The following GPHN variants were observed in gnomAD, a reference collection of about 807,000 sequenced individuals.
GPHN encodes the protein gephyrin.
In GPHN, 17 loss-of-function variants were observed where a neutral mutation model predicts 95.5. The observed-to-expected ratio is 0.18, with a 90% confidence interval of 0.12 to 0.27. The LOEUF is 0.27. Among genes scored for constraint, GPHN ranks in the 10% least tolerant of loss-of-function variants. The pLI, the probability that GPHN is intolerant of heterozygous loss-of-function variation, is 1.00. For missense variants in GPHN, 660 were observed against 978.1 expected, an observed-to-expected ratio of 0.67 and a Z score of 4.34; for synonymous variants, 320 against 322.5, an observed-to-expected ratio of 0.99 and a Z score of 0.08.
intron 2 of GPHN, among the ~76,000 whole-genome samples, chr14:66,724,183 G>GT: frequency 6.6e-6 from 1 of 152,160 alleles, no homozygotes; most frequent in East Asian, 1.9e-4. Flanking sequence ...ACAAATCGAG[G>GT]TTAGCTACTC....
At chr14:66,893,308 C>T (rs941297324) in intron 5 of GPHN, among the ~76,000 whole-genome samples, 1 of 152,126 alleles carries the variant, frequency 6.6e-6, no homozygotes, top group Admixed American at 6.5e-5. Flanking sequence ...CACTGGGGCT[C>T]ATCGGACAGT....
At chr14:67,131,805 T>A (rs988539999) in intron 17 of GPHN, among the ~76,000 whole-genome samples, 2 of 152,186 alleles carry the variant, frequency 1.3e-5, no homozygotes, top group African/African-American at 4.8e-5. Flanking sequence ...GAAATTTTTT[T>A]AAATAAATTT....
At chr14:66,732,461 A>G (rs753270084) in intron 2 of GPHN, among the ~76,000 whole-genome samples, 2 of 152,224 alleles carry the variant, frequency 1.3e-5, no homozygotes, top group Non-Finnish European at 2.9e-5. Context: ...AGTTTCTCCC[A>G]TTTAGAATCG....
At chr14:66,808,097 CA>C (rs2153480627) in intron 3 of GPHN, among the ~76,000 whole-genome samples, 1 of 152,248 alleles carries the variant, frequency 6.6e-6, no homozygotes, top group East Asian at 1.9e-4. Flanking sequence ...ATAGTGACAG[CA>C]AAATATGTTT....
the GPHN span, among the ~76,000 whole-genome samples, chr14:67,464,010 C>T: frequency 6.6e-6 from 1 of 152,124 alleles, no homozygotes; most frequent in Non-Finnish European, 1.5e-5. Flanking sequence ...TCAGGAGGGC[C>T]TCAACAGGCC....
At chr14:66,971,166 C>G (rs956058007) in intron 9 of GPHN, among the ~76,000 whole-genome samples, 10 of 152,140 alleles carry the variant, frequency 6.6e-5, no homozygotes, top group African/African-American at 2.4e-4. Flanking sequence ...CTGTCTCTAC[C>G]AAAAATACAG....
the GPHN span, chr14:67,343,406 CT>C: frequency 6.2e-7 from 1 of 1,611,882 alleles, no homozygotes; most frequent in Non-Finnish European, 8.5e-7. Context: ...TGTTGGTTAT[CT>C]TAATAGCTTC....
the GPHN span, chr14:67,729,622 G>C: frequency 1.6e-6 from 1 of 623,996 alleles, no homozygotes; most frequent in Middle Eastern, 2.7e-4. Context: ...TGAAAACTTT[G>C]CAGCTTTCTG....
At chr14:67,712,493 C>CAAAAAAAAAAAAAAAAAA in the GPHN span, among the ~76,000 whole-genome samples, 7 of 38,924 alleles carry the variant, frequency 1.8e-4, no homozygotes, top group Non-Finnish European at 3.0e-4. Flanking sequence ...AAAAAACTTG[C>CAAAAAAAAAAAAAAAAAA]AAAAAAAAAA....
chr14:67,630,457 G>T, the GPHN span, among the ~76,000 whole-genome samples: 1 of 152,190 alleles, frequency 6.6e-6, no homozygotes, highest in Non-Finnish European at 1.5e-5. Flanking sequence ...AAGGGGCAAA[G>T]GCAGTTCTCT....
At chr14:67,572,777 C>T in the GPHN span, among the ~76,000 whole-genome samples, 5 of 152,240 alleles carry the variant, frequency 3.3e-5, no homozygotes, top group African/African-American at 9.6e-5. Flanking sequence ...CCGCATCCCT[C>T]GCCCCACACC....
chr14:67,134,949 TC>T (rs2079965916), intron 17 of GPHN, among the ~76,000 whole-genome samples: 3 of 134,952 alleles, frequency 2.2e-5, no homozygotes, highest in African/African-American at 8.5e-5. Flanking sequence ...TTTCTTTCTT[TC>T]TTCTTTTTTT....
At chr14:67,039,158 T>C (rs905985804) in intron 10 of GPHN, among the ~76,000 whole-genome samples, 4 of 152,170 alleles carry the variant, frequency 2.6e-5, no homozygotes, top group African/African-American at 9.7e-5. Flanking sequence ...TGACCAGCCT[T>C]ATACCTTATA....
At chr14:66,610,248 A>C (rs1287419861) in intron 1 of GPHN, among the ~76,000 whole-genome samples, 3 of 152,118 alleles carry the variant, frequency 2.0e-5, no homozygotes, top group Non-Finnish European at 2.9e-5. Context: ...GATGGTGCTT[A>C]AGTATAATGG....
At chr14:67,602,297 C>T in the GPHN span, among the ~76,000 whole-genome samples, 13,653 of 152,198 alleles carry the variant, frequency 0.09, 655 homozygotes, top group Middle Eastern at 0.12. Context: ...ACTCACTCAG[C>T]ATCACGAGAC....
chr14:67,389,100 C>T, the GPHN span, among the ~76,000 whole-genome samples: 9 of 151,878 alleles, frequency 5.9e-5, no homozygotes, highest in Non-Finnish European at 1.3e-4. Flanking sequence ...TATCCCTGGA[C>T]GATTCAGGGC....
chr14:67,571,909 A>G, the GPHN span: 1 of 1,604,022 alleles, frequency 6.2e-7, no homozygotes, highest in Non-Finnish European at 8.5e-7. Flanking sequence ...AGAGGTACAG[A>G]GAAGGGGAGC....
chr14:67,623,120 G>C, the GPHN span, among the ~76,000 whole-genome samples: 2 of 152,058 alleles, frequency 1.3e-5, no homozygotes, highest in African/African-American at 4.8e-5. Context: ...TAGCTGACTG[G>C]TAGCTCAGTA....
chr14:66,617,794 T>G (rs550819943), intron 1 of GPHN, among the ~76,000 whole-genome samples: 1 of 152,318 alleles, frequency 6.6e-6, no homozygotes, highest in East Asian at 1.9e-4. Flanking sequence ...GAGAAATACA[T>G]GTGTAGTGAA....
Sources: allele counts gnomAD v4.1 joint callset (sites outside exome capture counted in the v4.1 genomes callset), GRCh38; gene constraint gnomAD v4.1.1; transcripts MANE v1.5; gene names NCBI Gene and HGNC (gene_info 2026-07-23, HGNC 2026-07-21).